COLEC11: variants seen among roughly 807,000 people sequenced by gnomAD.
The protein encoded by COLEC11 is collectin subfamily member 11, also known as collectin-11.
Under a neutral mutation model 27.3 loss-of-function variants are expected in COLEC11, and 20 were observed. The ratio of observed to expected loss-of-function variants is 0.73; its 90% CI spans 0.51 to 1.06. The LOEUF (loss-of-function observed/expected upper bound fraction) is 1.06. Among genes scored for constraint, COLEC11 ranks in the 50% least tolerant of loss-of-function variants. The pLI is 0.00. For synonymous variants in COLEC11, 163 were observed against 154.7 expected, an observed-to-expected ratio of 1.05 and a Z score of -0.40; for missense variants, 310 against 383.0, an observed-to-expected ratio of 0.81 and a Z score of 1.59.
rs562919461 is a variant in COLEC11, at chr2:3,602,778, A to G, written c.-26-1537A>G. Among the ~76,000 whole-genome samples the G allele has an allele frequency of 6.6e-6, 1 of 152,230 alleles. No homozygotes were observed. The highest frequency in any genetic ancestry group is 6.5e-5 in the Admixed American group (1 of 15,298). On this transcript the variant is annotated intron_variant, in intron 1 of 6. Coordinates refer to ENST00000349077, the MANE Select transcript of COLEC11 (RefSeq NM_024027.5). The surrounding 1 kb of genome is among the most constrained non-coding windows in gnomAD (Gnocchi z 6.2). ...CCCACCTCTCCCCGCACTGTCCGGC[A>G]TGCACTGCCTCAAGGCTTTCTCTGA... is the stretch of plus-strand genomic sequence containing the variant.
At chr2:3,630,597 C>T (rs1664931239) in intron 3 of COLEC11, among the ~76,000 whole-genome samples, 1 of 152,148 alleles carries the variant, frequency 6.6e-6, no homozygotes, top group South Asian at 2.1e-4. Context: ...AAGTTGGATG[C>T]TTAATGATTT....
intron 3 of COLEC11, chr2:3,625,923 A>T: frequency 8.0e-7 from 1 of 1,242,476 alleles, no homozygotes; most frequent in South Asian, 1.2e-5. Flanking sequence ...ATGAGCCGCC[A>T]TACCTGGCAG....
chr2:3,605,642 G>C (rs1393788867), intron 2 of COLEC11: 1 of 193,444 alleles, frequency 5.2e-6, no homozygotes, highest in Non-Finnish European at 1.1e-5. Flanking sequence ...ACCTGAATCC[G>C]GTCCGCCCCC....
intron 3 of COLEC11, among the ~76,000 whole-genome samples, chr2:3,634,916 C>T (rs1458462681): frequency 6.6e-6 from 1 of 151,868 alleles, no homozygotes; most frequent in South Asian, 2.1e-4. Context: ...CACTGGGTGC[C>T]CCCAGCGATA....
At chr2:3,631,907 T>G (rs1042025836) in intron 3 of COLEC11, among the ~76,000 whole-genome samples, 1 of 152,140 alleles carries the variant, frequency 6.6e-6, no homozygotes, top group African/African-American at 2.4e-5. Context: ...AATGCAGGCT[T>G]CCCGCAGTTC....
At chr2:3,612,501 G>A (rs1308608339) in intron 2 of COLEC11, among the ~76,000 whole-genome samples, 2 of 152,144 alleles carry the variant, frequency 1.3e-5, no homozygotes, top group Non-Finnish European at 2.9e-5. Flanking sequence ...AAAGACCGGG[G>A]TCCGATGTAG....
chr2:3,625,656 T>G (rs1177643584), intron 3 of COLEC11, among the ~76,000 whole-genome samples: 1 of 96,106 alleles, frequency 1.0e-5, no homozygotes, highest in African/African-American at 4.5e-5. Context: ...AGACAGAGTC[T>G]CACTCTCGCT....
At chr2:3,634,914 G>GCC (rs113200291) in intron 3 of COLEC11, among the ~76,000 whole-genome samples, 3 of 151,734 alleles carry the variant, frequency 2.0e-5, no homozygotes, top group African/African-American at 7.3e-5. Flanking sequence ...CTCACTGGGT[G>GCC]CCCCCAGCGA....
chr2:3,638,687 G>A (rs764297738), intron 4 of COLEC11, among the ~76,000 whole-genome samples: 5 of 152,236 alleles, frequency 3.3e-5, no homozygotes, highest in Admixed American at 2.0e-4. Context: ...GCTCAGCTGC[G>A]GGCCTCCCCT....
In COLEC11 at chr2:3,643,351, G is replaced by A; in HGVS notation, c.329-93G>A. 4 of 1,071,058 alleles carry A rather than the reference G, an allele frequency of 3.7e-6. No individual in the cohort carries two copies. In the South Asian group the frequency reaches 5.0e-5, roughly 13 times the overall value. The allele number at this position is 1,071,058 out of a possible 1,614,324, so 66.3% of individuals were successfully genotyped here. A position where few individuals can be genotyped will look rare whatever the true frequency, so the allele number is the denominator to read the frequency against. ...AAGGCCCGTGGGGCACGTTTGTTGA[G>A]TAAAATGTGCATTTCCGGGGAGGGG... is the stretch of plus-strand genomic sequence containing the variant. On this transcript the variant is annotated intron_variant, in intron 5 of 6. Transcript: ENST00000349077.
intron 3 of COLEC11, among the ~76,000 whole-genome samples, chr2:3,632,483 G>A (rs147091047): frequency 1.3e-3 from 197 of 152,308 alleles, no homozygotes; most frequent in African/African-American, 4.4e-3. Flanking sequence ...TTCCTGCTGC[G>A]TCTCACGCGG....
intron 3 of COLEC11, among the ~76,000 whole-genome samples, chr2:3,625,288 C>T (rs760646191): frequency 6.6e-6 from 1 of 152,034 alleles, no homozygotes; most frequent in Non-Finnish European, 1.5e-5. Flanking sequence ...CTCAAGCAGG[C>T]CTCAGGTCCC....
At position 3,637,532 on chromosome 2, in the gene COLEC11, G is replaced by A; in HGVS notation, c.203-1G>A. ...AACTTTGCTCTTATTGTTTTCTACAGGAGACATGGGGGACAAAGGACAGAA... is the reference window on the plus strand; with the variant it reads ...AACTTTGCTCTTATTGTTTTCTACAAGAGACATGGGGGACAAAGGACAGAA... On this transcript the variant is annotated splice_acceptor_variant, in intron 3 of 6. Transcript: ENST00000349077. LOFTEE classifies it high-confidence loss of function. The A allele has an allele frequency of 6.2e-7, 1 of 1,614,028 alleles. No individual in the cohort carries two copies. Among genetic ancestry groups the A allele is most frequent in the African/African-American group, 1.3e-5 (1 of 75,038 alleles).
Position 3,595,144 on chromosome 2 carries a change from C to G in COLEC11, c.-51C>G. ...TCGCGGGCCAGCGACGGGCAGGACG[C>G]CCCGTTCGCCTAGCGCGTGCTCAGG... On this transcript the variant is annotated 5_prime_UTR_variant, in exon 1 of 7. Coordinates refer to ENST00000349077, the MANE Select transcript of COLEC11 (RefSeq NM_024027.5). 2.8e-6 allele frequency: 1 copy of G among 351,492 alleles called. No individual in the cohort carries two copies. Among genetic ancestry groups the G allele is most frequent in the South Asian group, 2.1e-5 (1 of 48,410 alleles). 21.8% of individuals were successfully genotyped at this position (351,492 alleles called of 1,614,324 possible).
Position 3,620,827 on chromosome 2 carries a change from G to A in COLEC11, c.202+7445G>A, listed in dbSNP as rs986295771. Among the ~76,000 whole-genome samples, 12 of 152,024 alleles carry A rather than the reference G, an allele frequency of 7.9e-5. No homozygotes were observed. In the South Asian group the frequency reaches 1.5e-3, roughly 18 times the overall value. ...CAGGAATGTGTTGTTTAATTTTCTC[G>A]TATTTGTGAATTTTCGTTTTCCTCC... On this transcript the variant is annotated intron_variant, in intron 3 of 6. Coordinates refer to ENST00000349077, the MANE Select transcript of COLEC11 (RefSeq NM_024027.5).
intron 2 of COLEC11, among the ~76,000 whole-genome samples, chr2:3,609,359 T>A (rs1355424601): frequency 9.3e-6 from 1 of 107,806 alleles, no homozygotes; most frequent in African/African-American, 3.6e-5. Flanking sequence ...TTGATTTTTT[T>A]TTTTTTTTTT....
chr2:3,641,472 C>CG, intron 5 of COLEC11: 1 of 1,228,066 alleles, frequency 8.1e-7, no homozygotes, highest in Non-Finnish European at 1.1e-6. Context: ...CGTCCCATCC[C>CG]GGGGCTGAGC....
At chr2:3,642,039 G>A (rs945230049) in intron 5 of COLEC11, among the ~76,000 whole-genome samples, 1 of 152,242 alleles carries the variant, frequency 6.6e-6, no homozygotes, top group African/African-American at 2.4e-5. Flanking sequence ...TCCGTCCAGG[G>A]ACTAGGAACA....
chr2:3,620,573 A>C (rs1664116589), intron 3 of COLEC11, among the ~76,000 whole-genome samples: 1 of 150,520 alleles, frequency 6.6e-6, no homozygotes, highest in Non-Finnish European at 1.5e-5. Flanking sequence ...TTATTTCCTT[A>C]CTTCTGCTAA....
Sources: gnomAD v4.1 joint callset for allele counts (sites outside exome capture counted in the v4.1 genomes callset) on GRCh38, gnomAD v4.1.1 for gene constraint, Gnocchi (gnomAD v3.1) non-coding constraint, MANE v1.5 for transcripts, NCBI Gene and HGNC (gene_info 2026-07-23, HGNC 2026-07-21) for gene names.